The following SNTG1 variants were observed in gnomAD, a reference collection of about 807,000 sequenced individuals.
SNTG1 encodes gamma-1-syntrophin.
In SNTG1, 39 loss-of-function variants were observed where a neutral mutation model predicts 74.7. The observed-to-expected ratio is 0.52, with a 90% CI of 0.40 to 0.68. SNTG1 has a LOEUF of 0.68. Ranked by LOEUF, SNTG1 falls within the 30% of genes least tolerant of loss-of-function variation. The probability of loss-of-function intolerance (pLI) is 0.00; values close to 1 mark genes in which losing one functional copy is unlikely to be tolerated. For missense variants in SNTG1, 685 were observed against 609.5 expected, an observed-to-expected ratio of 1.12 and a Z score of -1.30; for synonymous variants, 254 against 217.1, an observed-to-expected ratio of 1.17 and a Z score of -1.49.
At chr8:50,689,034 T>A (rs1251874469) in intron 15 of SNTG1, among the ~76,000 whole-genome samples, 1 of 150,000 alleles carries the variant, frequency 6.7e-6, no homozygotes, top group Non-Finnish European at 1.5e-5. Flanking sequence ...GAATGGGAAT[T>A]CACTTATGAT....
intron 1 of SNTG1, among the ~76,000 whole-genome samples, chr8:50,038,778 T>G (rs1818373205): frequency 6.6e-6 from 1 of 152,184 alleles, no homozygotes; most frequent in Admixed American, 6.5e-5. Context: ...ACAGTGCTGA[T>G]CGCACATTTG....
At chr8:50,062,442 T>C (rs533040646) in intron 1 of SNTG1, among the ~76,000 whole-genome samples, 16 of 152,290 alleles carry the variant, frequency 1.1e-4, no homozygotes, top group African/African-American at 3.8e-4. Context: ...GTTTGGTGAA[T>C]ACACATTTAA....
intron 8 of SNTG1, among the ~76,000 whole-genome samples, chr8:50,462,083 A>T (rs891335910): frequency 6.6e-6 from 1 of 152,110 alleles, no homozygotes; most frequent in African/African-American, 2.4e-5. Flanking sequence ...AAATCTCAGA[A>T]ATCATCACTA....
intron 1 of SNTG1, among the ~76,000 whole-genome samples, chr8:49,973,525 AAAAAG>A (rs1259996632): frequency 2.0e-5 from 3 of 152,158 alleles, no homozygotes; most frequent in East Asian, 3.8e-4. Flanking sequence ...ATAAAAAAAA[AAAAAG>A]AAAAGAGTCT....
chr8:50,376,139 A>C (rs920004190), intron 2 of SNTG1, among the ~76,000 whole-genome samples: 2 of 152,196 alleles, frequency 1.3e-5, no homozygotes, highest in African/African-American at 2.4e-5. Context: ...GGGAGAAAAA[A>C]GAGCTTTCCT....
At chr8:50,488,422 A>G (rs1435243424) in intron 8 of SNTG1, among the ~76,000 whole-genome samples, 1 of 152,168 alleles carries the variant, frequency 6.6e-6, no homozygotes, top group Non-Finnish European at 1.5e-5. Context: ...CTGTATGGCA[A>G]ATATGCTTAC....
intron 4 of SNTG1, among the ~76,000 whole-genome samples, chr8:50,434,347 T>C (rs2093277685): frequency 6.6e-6 from 1 of 152,144 alleles, no homozygotes; most frequent in Non-Finnish European, 1.5e-5. Context: ...CCACAATAAA[T>C]ATACGTGTGC....
At chr8:49,945,572 A>G (rs536199822) in intron 1 of SNTG1, among the ~76,000 whole-genome samples, 4 of 152,310 alleles carry the variant, frequency 2.6e-5, no homozygotes, top group Admixed American at 1.3e-4. Flanking sequence ...CAGCCAGCAG[A>G]TGACCCGTGT....
intron 13 of SNTG1, among the ~76,000 whole-genome samples, chr8:50,636,649 G>A (rs758867022): frequency 6.6e-6 from 1 of 152,120 alleles, no homozygotes; most frequent in Non-Finnish European, 1.5e-5. Context: ...ATGGAGGAGA[G>A]GTGGCACTTA....
At chr8:50,570,186 A>G (rs1206329839) in intron 12 of SNTG1, among the ~76,000 whole-genome samples, 1 of 144,628 alleles carries the variant, frequency 6.9e-6, no homozygotes, top group Non-Finnish European at 1.5e-5. Context: ...CTTCGGATAT[A>G]TACTCACTAA....
In SNTG1 at chr8:50,428,414, C is replaced by G. The variant is rs200368835; in HGVS notation, c.163-10129C>G. On this transcript the variant is annotated intron_variant, in intron 4 of 18. Coordinates refer to ENST00000642720, the MANE Select transcript of SNTG1 (RefSeq NM_018967.5). ...TCCAGAGAATTCACCACTAACTGAC[C>G]TTGGTAAAGTTACTTAACATCACTG... Among the ~76,000 whole-genome samples, 8 of 152,284 alleles carry G rather than the reference C, an allele frequency of 5.3e-5. No homozygotes were observed. The East Asian group carries it at 1.5e-3, about 29-fold the overall frequency.
intron 2 of SNTG1, among the ~76,000 whole-genome samples, chr8:50,345,617 A>G (rs16914741): frequency 0.013 from 1,989 of 152,326 alleles, 38 homozygotes; most frequent in African/African-American, 0.043. Context: ...CCATAATTGC[A>G]TTAATCTCCA....
intron 12 of SNTG1, among the ~76,000 whole-genome samples, chr8:50,568,144 T>C (rs2130737212): frequency 6.6e-6 from 1 of 152,192 alleles, no homozygotes; most frequent in Non-Finnish European, 1.5e-5. Flanking sequence ...ACTTAATACA[T>C]TGTCCTTCAG....
At chr8:50,335,632 A>G (rs2091114850) in intron 2 of SNTG1, among the ~76,000 whole-genome samples, 1 of 151,800 alleles carries the variant, frequency 6.6e-6, no homozygotes, top group South Asian at 2.1e-4. Flanking sequence ...TCTCTCTCAT[A>G]TCCTTAACTC....
At chr8:50,399,693 C>CA (rs2092775572) in intron 3 of SNTG1, among the ~76,000 whole-genome samples, 2 of 77,994 alleles carry the variant, frequency 2.6e-5, no homozygotes, top group Admixed American at 1.3e-4. Context: ...CTCAGAGTGG[C>CA]TTCCCCCCTC....
At chr8:50,600,813 C>A (rs2094767678) in intron 13 of SNTG1, among the ~76,000 whole-genome samples, 1 of 151,266 alleles carries the variant, frequency 6.6e-6, no homozygotes, top group South Asian at 2.1e-4. Flanking sequence ...GATCTTTATT[C>A]TATTTTTTTT....
intron 15 of SNTG1, among the ~76,000 whole-genome samples, chr8:50,667,556 A>C (rs1431397972): frequency 6.6e-6 from 1 of 151,976 alleles, no homozygotes; most frequent in Non-Finnish European, 1.5e-5. Flanking sequence ...TTATAAAGCT[A>C]ATAAACCCAT....
intron 2 of SNTG1, among the ~76,000 whole-genome samples, chr8:50,235,796 T>C (rs1273133543): frequency 6.6e-6 from 1 of 152,158 alleles, no homozygotes; most frequent in Non-Finnish European, 1.5e-5. Flanking sequence ...ATAAAAGTAT[T>C]CAAAATAAAT....
chr8:50,385,615 T>G (rs573486608), intron 2 of SNTG1, among the ~76,000 whole-genome samples: 6 of 152,298 alleles, frequency 3.9e-5, no homozygotes, highest in Admixed American at 3.3e-4. Context: ...TTCAAAATCC[T>G]TGTGAGCTAT....
Sources: allele counts gnomAD v4.1 joint callset (sites outside exome capture counted in the v4.1 genomes callset), GRCh38; gene constraint gnomAD v4.1.1; transcripts MANE v1.5; gene names NCBI Gene and HGNC (gene_info 2026-07-23, HGNC 2026-07-21).